Variants in TRIOBP observed in about 807,000 individuals in gnomAD.
TRIOBP encodes the protein TRIO and F-actin binding protein.
In TRIOBP, 169 loss-of-function variants were observed where a neutral mutation model predicts 238.8. The observed-to-expected ratio is 0.71, with a 90% confidence interval of 0.62 to 0.80. The LOEUF is 0.80. Ranked by LOEUF, TRIOBP falls within the 30% of genes least tolerant of loss-of-function variation. TRIOBP has a pLI of 0.00. For synonymous variants in TRIOBP, 1,150 were observed against 1,274.4 expected (o/e 0.90, Z 2.08); for missense variants, 2,838 against 3,122.6 (o/e 0.91, Z 2.17).
In TRIOBP at chr22:37,733,836, A is replaced by G. The variant is rs1362637431; in HGVS notation, c.4062+424A>G. ...CAGGCGTGTGCCACCACACCCAACTAATTTTCGTACTTTTAGTAGAGACAG... is the reference window on the plus strand; with the variant it reads ...CAGGCGTGTGCCACCACACCCAACTGATTTTCGTACTTTTAGTAGAGACAG... On this transcript the variant is annotated intron_variant, in intron 8 of 23. Coordinates refer to ENST00000644935, the MANE Select transcript of TRIOBP (RefSeq NM_001039141.3). 2.0e-5 allele frequency among the ~76,000 whole-genome samples: 3 copies of G among 151,710 alleles called. No homozygotes were observed. The East Asian group carries it at 5.8e-4, about 29-fold the overall frequency.
In TRIOBP at chr22:37,757,666, G is replaced by A. The variant is rs1320000791; in HGVS notation, c.5741G>A (p.Gly1914Asp). ...NALHSYSTQK[G>D]PLKAGEQRAG... ...CTGCACAGCTACAGCACCCAGAAGG[G>A]CCCCCTGAAGGCAGGGGAGCAGCGG... Residue 1914 changes from glycine (G) to aspartate (D), a missense_variant, in exon 16 of 24, where the codon GGC (glycine) becomes GAC (aspartate). By Grantham distance (94) the Gly-to-Asp change is moderately conservative. Transcript: ENST00000644935. 2 of 1,590,232 alleles carry A rather than the reference G, an allele frequency of 1.3e-6. No homozygotes were observed. Among genetic ancestry groups the A allele is most frequent in the Non-Finnish European group, 1.7e-6 (2 of 1,169,878 alleles).
In TRIOBP at chr22:37,757,779, A is replaced by C. The variant is rs1234708968; in HGVS notation, c.5854A>C (p.Thr1952Pro). 1.9e-6 allele frequency: 3 copies of C among 1,550,838 alleles called. No homozygotes were observed. The highest frequency in any genetic ancestry group is 2.6e-6 in the Non-Finnish European group (3 of 1,147,086). Residue 1952 changes from threonine to proline, a missense_variant, in exon 16 of 24, where the codon ACC becomes CCC. This residue lies in a region of TRIOBP where 2,096 missense variants were observed against 2,137.4 expected (regional missense o/e 0.98). Coordinates refer to ENST00000644935, the MANE Select transcript of TRIOBP (RefSeq NM_001039141.3). ...GGACTACGTGGAGCTCTCGCCGCTGACCCAGGCTTCCCCGCAGCGGGCCCG... is the reference window on the plus strand; with the variant it reads ...GGACTACGTGGAGCTCTCGCCGCTGCCCCAGGCTTCCCCGCAGCGGGCCCG... The part of the protein sequence containing the change: ...ALDYVELSPL[T>P]QASPQRARTP...
intron 6 of TRIOBP, among the ~76,000 whole-genome samples, chr22:37,717,414 C>G (rs996985789): frequency 6.6e-6 from 1 of 152,196 alleles, no homozygotes; most frequent in African/African-American, 2.4e-5. Flanking sequence ...CTTTTATTCT[C>G]TTGTCTGGCC....
Position 37,723,395 on chromosome 22 carries a change from C to T in TRIOBP, c.839C>T (p.Ser280Phe), listed in dbSNP as rs781607122. Residue 280 changes from serine (S) to phenylalanine (F), a missense_variant, in exon 7 of 24, where the codon TCT (serine) becomes TTT (phenylalanine). Ser to Phe is a radical substitution (Grantham distance 155). Around this residue, in one of 5 missense-constraint regions of TRIOBP, gnomAD observed 535 missense variants for 537.3 expected, o/e 1.00. Transcript: ENST00000644935. ...ASTREIPRAS[S>F]PHRITQRDTS... ...ACACGTGAAATCCCCAGAGCCTCCT[C>T]TCCCCATCGAATCACCCAAAGGGAC... 2 of 1,613,956 alleles carry T rather than the reference C, an allele frequency of 1.2e-6. No individual in the cohort carries two copies. The highest frequency in any genetic ancestry group is 2.7e-5 in the African/African-American group (2 of 74,868).
At chr22:37,755,252 G>A in intron 14 of TRIOBP, 62 bp downstream of exon 14, 1 of 1,536,764 alleles carries the variant, frequency 6.5e-7, no homozygotes. Flanking sequence ...CCCTGGGGGA[G>A]GTTTTGGTGT....
At position 37,754,965 on chromosome 22, in the gene TRIOBP, G is replaced by T; in HGVS notation, c.5468G>T (p.Arg1823Ile). Residue 1823 changes from arginine (R) to isoleucine (I), a missense_variant, in exon 13 of 24, where the codon AGA (arginine) becomes ATA (isoleucine). Transcript: ENST00000644935. ...ACAGATTCAAGTCTCAAATATTACA[G>T]AGACTCCACTGCTGAGGAGGTGAGG... ...VLTDSSLKYYRDSTAEEADEL... is the reference protein window; with the variant it reads ...VLTDSSLKYYIDSTAEEADEL... 1 of 1,614,156 alleles carries T rather than the reference G, an allele frequency of 6.2e-7. No homozygotes were observed. The highest frequency in any genetic ancestry group is 1.3e-5 in the African/African-American group (1 of 75,040).
chr22:37,718,085 G>A (rs946531851), intron 6 of TRIOBP, among the ~76,000 whole-genome samples: 1 of 152,216 alleles, frequency 6.6e-6, no homozygotes, highest in Non-Finnish European at 1.5e-5. Flanking sequence ...TGGCCCAGGT[G>A]CTAAGCCCCT....
chr22:37,746,120 G>A (rs947178066), intron 11 of TRIOBP: 5 of 918,712 alleles, frequency 5.4e-6, no homozygotes, highest in African/African-American at 1.9e-5. Context: ...CCCCCGGCCC[G>A]TCTCGCGCTT....
intron 9 of TRIOBP, 74 bp from the exon 10 acceptor site, chr22:37,738,568 A>G (rs1211904905): frequency 1.4e-6 from 2 of 1,409,162 alleles, no homozygotes; most frequent in Non-Finnish European, 9.9e-7. Flanking sequence ...GATAGAATGG[A>G]TGGATGAGGT....
rs1010813247 is a variant in TRIOBP, at chr22:37,757,659, C to G, written c.5734C>G (p.Gln1912Glu). ...GAACGCGCTGCACAGCTACAGCACC[C>G]AGAAGGGCCCCCTGAAGGCAGGGGA... ...KENALHSYST[Q>E]KGPLKAGEQR... The change falls in exon 16 of 24, where the codon CAG becomes GAG. Residue 1912 changes from glutamine to glutamate, a missense_variant. Gln to Glu is a conservative substitution (Grantham distance 29, BLOSUM62 2). Around this residue, in one of 5 missense-constraint regions of TRIOBP, gnomAD observed 2,096 missense variants for 2,137.4 expected, o/e 0.98. Transcript: ENST00000644935. The G allele has an allele frequency of 1.0e-5, 16 of 1,590,492 alleles. No individual in the cohort carries two copies. The highest frequency in any genetic ancestry group is 1.4e-5 in the Non-Finnish European group (16 of 1,170,052).
Position 37,768,068 on chromosome 22 carries a change from T to G in TRIOBP, c.6473-6T>G, listed in dbSNP as rs1418272488. 1 of 1,609,640 alleles carries G rather than the reference T, an allele frequency of 6.2e-7. No individual in the cohort carries two copies. Reference sequence around the variant, plus strand: ...TCTCTCTTGTGCCTCTCTGCCCTGCTTCCAGCCATTGAAGCCATGAAGAAG... The same window carrying G: ...TCTCTCTTGTGCCTCTCTGCCCTGCGTCCAGCCATTGAAGCCATGAAGAAG... On this transcript the variant is annotated splice_region_variant and splice_polypyrimidine_tract_variant and intron_variant, in intron 18 of 23. Transcript: ENST00000644935.
In TRIOBP at chr22:37,701,414, ATACT is replaced by A; in HGVS notation, c.53_56del (p.Leu18ProfsTer100). On this transcript the variant is annotated frameshift_variant, in exon 3 of 24. Coordinates refer to ENST00000644935, the MANE Select transcript of TRIOBP (RefSeq NM_001039141.3). LOFTEE classifies it high-confidence loss of function. ...CCTGTGTGAACACTTTGAGGCCAAC[ATACT>A]TACCCAGAACCGCTGTCAAAACTGC... 1 of 1,613,928 alleles carries A rather than the reference ATACT, an allele frequency of 6.2e-7. No homozygotes were observed. Among genetic ancestry groups the A allele is most frequent in the Non-Finnish European group, 8.5e-7 (1 of 1,179,970 alleles).
rs200536958 is a variant in TRIOBP at position 37,771,640 on chromosome 22, A to G, written c.6850-10A>G. ...CTGGCCCTGGGTCAGTCCAGCACCT[A>G]TATCCCCAGGTGCTGCTTCGCGTAA... is the stretch of plus-strand genomic sequence containing the variant. On this transcript the variant is annotated splice_polypyrimidine_tract_variant and intron_variant, in intron 21 of 23. Coordinates refer to ENST00000644935, the MANE Select transcript of TRIOBP (RefSeq NM_001039141.3). 22 of 1,612,798 alleles carry G rather than the reference A, an allele frequency of 1.4e-5. No individual in the cohort carries two copies. The highest frequency in any genetic ancestry group is 1.7e-4 in the Middle Eastern group (1 of 5,876).
intron 8 of TRIOBP, 128 bp from the exon 9 acceptor site, chr22:37,734,271 T>A (rs1405883745): frequency 1.1e-6 from 1 of 875,952 alleles, no homozygotes; most frequent in Non-Finnish European, 1.9e-6. Context: ...CCTGTGTACT[T>A]TTTGGCCTGC....
chr22:37,738,256 G>A (rs1364729663), intron 9 of TRIOBP, among the ~76,000 whole-genome samples: 1 of 152,204 alleles, frequency 6.6e-6, no homozygotes, highest in Non-Finnish European at 1.5e-5. Context: ...GATGGATGTT[G>A]CTTAGGTGAT....
At chr22:37,765,901 A>T in intron 18 of TRIOBP, 84 bp downstream of exon 18, 1 of 1,475,508 alleles carries the variant, frequency 6.8e-7, no homozygotes, top group Non-Finnish European at 9.0e-7. Flanking sequence ...GGAGGATTTT[A>T]TCAAATAAGA....
At chr22:37,702,634 C>CTTTTTTTTTT (rs34625454) in intron 3 of TRIOBP, among the ~76,000 whole-genome samples, 1 of 81,198 alleles carries the variant, frequency 1.2e-5, no homozygotes, top group African/African-American at 5.0e-5. Context: ...TTCTCTCTCT[C>CTTTTTTTTTT]TTTTTTTTTT....
rs142585573 is a variant in TRIOBP, at chr22:37,757,540, G to A, written c.5688-73G>A. 2.1e-4 allele frequency: 319 copies of A among 1,531,722 alleles called. 1 individual carries two copies. In the African/African-American group the frequency reaches 3.9e-3, roughly 19 times the overall value. The allele number at this position is 1,531,722 out of a possible 1,614,324, so 94.9% of individuals were successfully genotyped here. A position where few individuals can be genotyped will look rare whatever the true frequency, so the allele number is the denominator to read the frequency against. ...CTGGCACAGGGCCTGGCACACAGGT[G>A]TCGCTCCAAAAGTGCTCATTGTGGG... On this transcript the variant is annotated intron_variant, in intron 15 of 23. Coordinates refer to ENST00000644935, the MANE Select transcript of TRIOBP (RefSeq NM_001039141.3).
At position 37,725,448 on chromosome 22, in the gene TRIOBP, C is replaced by T; in HGVS notation, c.2892C>T (p.Ser964=). The T allele has an allele frequency of 6.2e-7, 1 of 1,612,192 alleles. No individual in the cohort carries two copies. Among genetic ancestry groups the T allele is most frequent in the East Asian group, 2.2e-5 (1 of 44,824 alleles). Residue 964 remains serine (S), a synonymous_variant, in exon 7 of 24, where the codon TCC becomes TCT. Coordinates refer to ENST00000644935, the MANE Select transcript of TRIOBP (RefSeq NM_001039141.3). Reference sequence around the variant, plus strand: ...CCCAGCATGACCCACCCCAGTCCTCCTTTGGCCCCACCCAGTACAACTTGC... The same window carrying T: ...CCCAGCATGACCCACCCCAGTCCTCTTTTGGCCCCACCCAGTACAACTTGC... ...RPAQHDPPQS[S]FGPTQYNLPS...
Sources: allele counts gnomAD v4.1 joint callset (sites outside exome capture counted in the v4.1 genomes callset), GRCh38; gene constraint gnomAD v4.1.1; regional missense constraint gnomAD v4.1.1; transcripts MANE v1.5; gene names NCBI Gene and HGNC (gene_info 2026-07-23, HGNC 2026-07-21).